ZHX3: variants seen among roughly 807,000 people sequenced by gnomAD.
ZHX3 encodes zinc fingers and homeoboxes 3.
A neutral mutation model predicts 64.5 loss-of-function variants in ZHX3; 20 were observed. That is an observed-to-expected ratio of 0.31 (90% CI 0.22 to 0.45). ZHX3 has a LOEUF of 0.45. Among genes scored for constraint, ZHX3 ranks in the 20% least tolerant of loss-of-function variants. The probability of loss-of-function intolerance (pLI) is 1.00; values close to 1 mark genes in which losing one functional copy is unlikely to be tolerated. For synonymous variants in ZHX3, 423 were observed against 461.6 expected, an observed-to-expected ratio of 0.92 and a Z score of 1.07; for missense variants, 1,041 against 1,195.8, an observed-to-expected ratio of 0.87 and a Z score of 1.91.
Position 41,282,361 on chromosome 20 carries a change from C to CTTTTTTTTTTTTTTTTTTTTTTTTTTTTT in ZHX3, c.-244-13279_-244-13278insAAAAAAAAAAAAAAAAAAAAAAAAAAAAA, listed in dbSNP as rs568284480. Reference sequence around the variant, plus strand: ...TAGAGGTCCATTAGACACAATTCATCTTTTTTTTTTTTTTTTTTTGCGAAG... The same window carrying CTTTTTTTTTTTTTTTTTTTTTTTTTTTTT: ...TAGAGGTCCATTAGACACAATTCATCTTTTTTTTTTTTTTTTTTTTTTTTTTTTTTTTTTTTTTTTTTTTTTTTGCGAAG... On this transcript the variant is annotated intron_variant, in intron 1 of 3. Transcript: ENST00000683867. Among the ~76,000 whole-genome samples the CTTTTTTTTTTTTTTTTTTTTTTTTTTTTT allele has an allele frequency of 2.1e-5, 2 of 97,212 alleles. 1 individual carries two copies. 63.8% of individuals were successfully genotyped at this position (97,212 alleles called of 152,430 possible).
At chr20:41,308,541 G>A (rs903581069) in intron 1 of ZHX3, among the ~76,000 whole-genome samples, 3 of 152,124 alleles carry the variant, frequency 2.0e-5, no homozygotes, top group Non-Finnish European at 4.4e-5. Flanking sequence ...TTAGTGTTTG[G>A]GTATGATAAA....
At chr20:41,261,149 A>C (rs935476124) in intron 2 of ZHX3, among the ~76,000 whole-genome samples, 9 of 152,202 alleles carry the variant, frequency 5.9e-5, no homozygotes, top group South Asian at 2.1e-4. Context: ...TGACCTGGAA[A>C]CATCTGAAAA....
intron 2 of ZHX3, among the ~76,000 whole-genome samples, chr20:41,265,740 T>A (rs541217862): frequency 7.2e-5 from 11 of 152,338 alleles, no homozygotes; most frequent in African/African-American, 2.4e-4. Flanking sequence ...CACTACTATA[T>A]ACTTAATTAC....
chr20:41,266,630 C>A (rs2042866041), intron 2 of ZHX3, among the ~76,000 whole-genome samples: 1 of 151,716 alleles, frequency 6.6e-6, no homozygotes, highest in Non-Finnish European at 1.5e-5. Context: ...ACTGCAAGCT[C>A]CGCCCCCCAG....
chr20:41,295,379 C>T lies in ZHX3; in HGVS notation c.-245+22130G>A, dbSNP rs147181626. On this transcript the variant is annotated intron_variant, in intron 1 of 3. Coordinates refer to ENST00000683867, the MANE Select transcript of ZHX3 (RefSeq NM_001384317.1). The stretch of plus-strand genomic sequence containing the variant: ...TATAATTATGCAGGTTACATAGCAA[C>T]ATGGAAAAATGCTTACAATGACATG... Among the ~76,000 whole-genome samples the T allele has an allele frequency of 3.4e-3, 520 of 152,044 alleles. 5 individuals carry two copies. The highest frequency in any genetic ancestry group is 0.012 in the African/African-American group (492 of 41,462).
At chr20:41,300,510 C>G (rs1402962100) in intron 1 of ZHX3, among the ~76,000 whole-genome samples, 1 of 152,164 alleles carries the variant, frequency 6.6e-6, no homozygotes, top group East Asian at 1.9e-4. Flanking sequence ...CGCAGTATTT[C>G]ATTGTAACTC....
At chr20:41,288,517 G>A (rs181722691) in intron 1 of ZHX3, among the ~76,000 whole-genome samples, 150 of 152,304 alleles carry the variant, frequency 9.8e-4, no homozygotes, top group African/African-American at 3.6e-3. Context: ...AAAAGATCTT[G>A]AGATGTTTCC....
intron 2 of ZHX3, among the ~76,000 whole-genome samples, chr20:41,222,660 G>A (rs989752103): frequency 3.3e-5 from 5 of 152,096 alleles, no homozygotes; most frequent in African/African-American, 4.8e-5. Flanking sequence ...GTGAGACAGC[G>A]CCTTTCAAAG....
intron 1 of ZHX3, among the ~76,000 whole-genome samples, chr20:41,310,155 C>T (rs1258503648): frequency 6.6e-6 from 1 of 152,120 alleles, no homozygotes; most frequent in Non-Finnish European, 1.5e-5. Flanking sequence ...CCCAGCAAAC[C>T]CCAACCCTGG....
At chr20:41,227,326 G>A (rs1470836083) in intron 2 of ZHX3, among the ~76,000 whole-genome samples, 1 of 152,228 alleles carries the variant, frequency 6.6e-6, no homozygotes, top group Non-Finnish European at 1.5e-5. Flanking sequence ...ATAGTGCTCA[G>A]TACCTGAGCC....
Position 41,179,631 on chromosome 20 carries a change from G to T in ZHX3, c.*5560C>A, listed in dbSNP as rs2036171576. The T allele has an allele frequency of 7.0e-6, 1 of 143,380 alleles. No individual in the cohort carries two copies. The highest frequency in any genetic ancestry group is 2.3e-4 in the South Asian group (1 of 4,404). 8.9% of individuals were successfully genotyped at this position (143,380 alleles called of 1,614,324 possible). A position where few individuals can be genotyped will look rare whatever the true frequency, so the allele number is the denominator to read the frequency against. ...TCACTTTTAACTCCAGTCACATTAAGTTTTTTTTTTTTTTTTGAGACGGAG... is the reference window on the plus strand; with the variant it reads ...TCACTTTTAACTCCAGTCACATTAATTTTTTTTTTTTTTTTTGAGACGGAG... On this transcript the variant is annotated 3_prime_UTR_variant, in exon 4 of 4. Coordinates refer to ENST00000683867, the MANE Select transcript of ZHX3 (RefSeq NM_001384317.1). This position sits in a 1 kb window ranked among gnomAD's most constrained non-coding sequence, Gnocchi z 4.3.
At chr20:41,305,792 T>TAA (rs1555873579) in intron 1 of ZHX3, among the ~76,000 whole-genome samples, 1 of 151,452 alleles carries the variant, frequency 6.6e-6, no homozygotes, top group Non-Finnish European at 1.5e-5. Flanking sequence ...TCAAAAAAAA[T>TAA]ATAAATAAAT....
At chr20:41,295,386 A>G (rs1479534324) in intron 1 of ZHX3, among the ~76,000 whole-genome samples, 1 of 152,204 alleles carries the variant, frequency 6.6e-6, no homozygotes, top group Admixed American at 6.5e-5. Flanking sequence ...CAACATGGAA[A>G]AATGCTTACA....
At chr20:41,295,749 G>T (rs567404460) in intron 1 of ZHX3, among the ~76,000 whole-genome samples, 5 of 152,016 alleles carry the variant, frequency 3.3e-5, no homozygotes, top group Non-Finnish European at 5.9e-5. Flanking sequence ...TACTCAGGAG[G>T]CTGAGGCAGG....
intron 1 of ZHX3, among the ~76,000 whole-genome samples, chr20:41,291,796 G>T (rs1391724992): frequency 6.6e-6 from 1 of 151,746 alleles, no homozygotes; most frequent in Non-Finnish European, 1.5e-5. Context: ...AGCAATCAGG[G>T]AAATTTAAAT....
Position 41,184,692 on chromosome 20 carries a change from C to A in ZHX3, c.*499G>T. The A allele has an allele frequency of 1.7e-6, 1 of 585,702 alleles. No individual in the cohort carries two copies. Among genetic ancestry groups the A allele is most frequent in the Non-Finnish European group, 3.0e-6 (1 of 337,396 alleles). 36.3% of individuals were successfully genotyped at this position (585,702 alleles called of 1,614,324 possible). A position where few individuals can be genotyped will look rare whatever the true frequency, so the allele number is the denominator to read the frequency against. Reference sequence around the variant, plus strand: ...TCCAGACGTAGCTTTGTGCCTATAACTTCCCTGCCTGACTGTGGAAGGTGA... The same window carrying A: ...TCCAGACGTAGCTTTGTGCCTATAAATTCCCTGCCTGACTGTGGAAGGTGA... On this transcript the variant is annotated 3_prime_UTR_variant, in exon 4 of 4. Coordinates refer to ENST00000683867, the MANE Select transcript of ZHX3 (RefSeq NM_001384317.1).
chr20:41,219,869 G>A lies in ZHX3; in HGVS notation c.-150-14803C>T, dbSNP rs1016380436. Among the ~76,000 whole-genome samples, 4 of 152,220 alleles carry A rather than the reference G, an allele frequency of 2.6e-5. No homozygotes were observed. The highest frequency in any genetic ancestry group is 7.2e-5 in the African/African-American group (3 of 41,464). On this transcript the variant is annotated intron_variant, in intron 2 of 3. Coordinates refer to ENST00000683867, the MANE Select transcript of ZHX3 (RefSeq NM_001384317.1). The surrounding 1 kb of genome is among the most constrained non-coding windows in gnomAD (Gnocchi z 5.0). ...GGCTTTGCCTCACTATTTATTCTCTGGCCTGCAACTGGTTATGTTCCAGAT... is the reference window on the plus strand; with the variant it reads ...GGCTTTGCCTCACTATTTATTCTCTAGCCTGCAACTGGTTATGTTCCAGAT...
intron 2 of ZHX3, among the ~76,000 whole-genome samples, chr20:41,246,110 C>T (rs1425127411): frequency 1.3e-5 from 2 of 152,206 alleles, no homozygotes; most frequent in Admixed American, 6.5e-5. Context: ...AGGCCCTAAA[C>T]ACAGACTCCA....
intron 2 of ZHX3, among the ~76,000 whole-genome samples, chr20:41,257,612 C>CTTTT (rs1223401714): frequency 4.4e-5 from 6 of 137,830 alleles, no homozygotes; most frequent in Non-Finnish European, 6.4e-5. Flanking sequence ...TCTTTTCTTT[C>CTTTT]TTTTTTTTTT....
Sources: allele counts gnomAD v4.1 joint callset (sites outside exome capture counted in the v4.1 genomes callset), GRCh38; gene constraint gnomAD v4.1.1; non-coding constraint Gnocchi (gnomAD v3.1); transcripts MANE v1.5; gene names NCBI Gene and HGNC (gene_info 2026-07-23, HGNC 2026-07-21).